Variants in MICAL2 observed in about 807,000 individuals in gnomAD.
The protein encoded by MICAL2 is [F-actin]-monooxygenase MICAL2.
Under a neutral mutation model 127.3 loss-of-function variants are expected in MICAL2, and 77 were observed. That is an observed-to-expected ratio of 0.60 (90% CI 0.50 to 0.73). The LOEUF is 0.73. Ranked by LOEUF, MICAL2 falls within the 30% of genes least tolerant of loss-of-function variation. The probability of loss-of-function intolerance (pLI) is 0.00; values close to 1 mark genes in which losing one functional copy is unlikely to be tolerated. For synonymous variants in MICAL2, 570 were observed against 551.1 expected (o/e 1.03, Z -0.48); for missense variants, 1,351 against 1,434.4 (o/e 0.94, Z 0.94).
In MICAL2 at chr11:12,242,285, G is replaced by A. The variant is rs149494150; in HGVS notation, c.2409G>A (p.Leu803=). 3,596 of 1,614,116 alleles carry A rather than the reference G, an allele frequency of 2.2e-3. 5 individuals are homozygous for A. The highest frequency in any genetic ancestry group is 2.8e-3 in the Non-Finnish European group (3,285 of 1,179,990). The change falls in exon 19 of 28, where the codon CTG becomes CTA. Residue 803 remains leucine, a synonymous_variant. Coordinates refer to ENST00000683283, the MANE Select transcript of MICAL2 (RefSeq NM_001282663.2). ...AAGTGTCTGCTGGCAGTGAGTGCCT[G>A]AGCAGACCTTGGAGAGCCAGAGCCA... ...LKQVSAGSEC[L]SRPWRARAKS...
intron 1 of MICAL2, among the ~76,000 whole-genome samples, chr11:12,280,019 G>T (rs1284961611): frequency 6.6e-6 from 1 of 152,222 alleles, no homozygotes; most frequent in African/African-American, 2.4e-5. Flanking sequence ...ACACATCACT[G>T]CTTGAGCAGT....
At chr11:12,121,238 G>T (rs575672286) in intron 1 of MICAL2, among the ~76,000 whole-genome samples, 17 of 152,258 alleles carry the variant, frequency 1.1e-4, no homozygotes, top group Admixed American at 1.1e-3. Flanking sequence ...CTCTTCACAC[G>T]GATCTTCTCC....
intron 1 of MICAL2, among the ~76,000 whole-genome samples, chr11:12,279,348 C>G (rs192490927): frequency 6.6e-6 from 1 of 152,122 alleles, no homozygotes; most frequent in African/African-American, 2.4e-5. Flanking sequence ...GAGGGGAAAG[C>G]AGGGACTGCA....
In MICAL2 at chr11:12,226,208, A is replaced by G. The variant is rs1207024569; in HGVS notation, c.1726A>G (p.Asn576Asp). The G allele has an allele frequency of 4.3e-6, 7 of 1,614,072 alleles. No individual in the cohort carries two copies. The highest frequency in any genetic ancestry group is 5.9e-6 in the Non-Finnish European group (7 of 1,180,022). ...DSLNEDDAVE[N>D]NQLAFDVAER... ...TTTGAATGAAGATGATGCTGTGGAG[A>G]ACAACCAGCTCGCATTTGATGTGGC... Residue 576 changes from asparagine to aspartate, a missense_variant, in exon 14 of 28, where the codon AAC (asparagine) becomes GAC (aspartate). By Grantham distance (23) the Asn-to-Asp change is conservative. Around this residue, in one of 2 missense-constraint regions of MICAL2, gnomAD observed 752 missense variants for 719.4 expected, o/e 1.05. Coordinates refer to ENST00000683283, the MANE Select transcript of MICAL2 (RefSeq NM_001282663.2).
At chr11:12,139,391 C>A (rs1459630890) in intron 2 of MICAL2, among the ~76,000 whole-genome samples, 4 of 152,070 alleles carry the variant, frequency 2.6e-5, no homozygotes, top group African/African-American at 9.7e-5. Context: ...CTTGGCAGGG[C>A]GTTGAAGAGG....
downstream of MICAL2, among the ~76,000 whole-genome samples, chr11:12,290,476 C>T (rs1398800056): frequency 6.6e-6 from 1 of 151,956 alleles, no homozygotes; most frequent in Non-Finnish European, 1.5e-5. Context: ...CAGAAGATGG[C>T]AGAGAGGGAG....
chr11:12,217,884 T>C (rs1381964769), intron 8 of MICAL2, among the ~76,000 whole-genome samples: 1 of 152,142 alleles, frequency 6.6e-6, no homozygotes, highest in Non-Finnish European at 1.5e-5. Flanking sequence ...GCTGGACACC[T>C]GATTGGAACA....
intron 15 of MICAL2, among the ~76,000 whole-genome samples, chr11:12,231,122 C>G (rs1312384880): frequency 2.0e-5 from 3 of 152,236 alleles, no homozygotes; most frequent in Non-Finnish European, 4.4e-5. Context: ...CATACACCCT[C>G]AGACTCACAA....
chr11:12,254,165 G>A (rs1405811569), intron 22 of MICAL2: 1 of 152,174 alleles, frequency 6.6e-6, no homozygotes, highest in Non-Finnish European at 1.5e-5. Flanking sequence ...AGGAACCAGG[G>A]GGCAGAGTCC....
chr11:12,129,469 A>AC (rs1590004191), intron 1 of MICAL2, among the ~76,000 whole-genome samples: 1 of 151,130 alleles, frequency 6.6e-6, no homozygotes, highest in South Asian at 2.1e-4. Context: ...TGAAACACGC[A>AC]CCCCCCTTCC....
intron 3 of MICAL2, among the ~76,000 whole-genome samples, chr11:12,192,940 C>A (rs1182644209): frequency 1.3e-5 from 2 of 152,180 alleles, no homozygotes; most frequent in Non-Finnish European, 2.9e-5. Context: ...CTGGTAGGAA[C>A]TGCTTTATTC....
intron 3 of MICAL2, among the ~76,000 whole-genome samples, chr11:12,195,266 A>G (rs1859746524): frequency 6.6e-6 from 1 of 151,456 alleles, no homozygotes; most frequent in South Asian, 2.1e-4. Flanking sequence ...CTAAAAACCA[A>G]ACAAAACCAA....
chr11:12,344,824 G>A (rs1284376360), intron 32 of MICAL2, among the ~76,000 whole-genome samples: 1 of 149,020 alleles, frequency 6.7e-6, no homozygotes, highest in Non-Finnish European at 1.5e-5. Context: ...CAAAGAAATT[G>A]TGGACCAGGT....
chr11:12,115,480 AT>A (rs774822429), intron 1 of MICAL2, among the ~76,000 whole-genome samples: 6 of 151,828 alleles, frequency 4.0e-5, no homozygotes, highest in Admixed American at 1.3e-4. Flanking sequence ...CAGGCTTTTA[AT>A]TTTTATTTTT....
At chr11:12,232,579 C>A (rs755856732) in intron 15 of MICAL2, among the ~76,000 whole-genome samples, 17 of 152,048 alleles carry the variant, frequency 1.1e-4, no homozygotes, top group Non-Finnish European at 2.5e-4. Context: ...AAAAATTAGC[C>A]TGCGTGGTGG....
chr11:12,293,740 C>T (rs768217708), downstream of MICAL2: 2 of 1,613,992 alleles, frequency 1.2e-6, no homozygotes. Context: ...AAGATGGCCT[C>T]TCAGACCCTG....
At chr11:12,139,196 G>A (rs547041660) in intron 2 of MICAL2, among the ~76,000 whole-genome samples, 27 of 152,252 alleles carry the variant, frequency 1.8e-4, no homozygotes, top group East Asian at 1.7e-3. Context: ...CCTGTCTGGC[G>A]TTTTGGCACC....
At chr11:12,204,076 C>A (rs1854363314) in intron 3 of MICAL2, among the ~76,000 whole-genome samples, 174 bp from the exon 4 acceptor site, 1 of 152,174 alleles carries the variant, frequency 6.6e-6, no homozygotes, top group Non-Finnish European at 1.5e-5. Flanking sequence ...GTGGTAGGCC[C>A]ACAGGTAAGG....
chr11:12,158,834 G>A (rs1480721626), intron 2 of MICAL2, among the ~76,000 whole-genome samples: 1 of 152,172 alleles, frequency 6.6e-6, no homozygotes, highest in East Asian at 1.9e-4. Context: ...ACTTGCCTAG[G>A]GTCACAAAAC....
Sources: gnomAD v4.1 joint callset for allele counts (sites outside exome capture counted in the v4.1 genomes callset) on GRCh38, gnomAD v4.1.1 for gene constraint, gnomAD v4.1.1 regional missense constraint, MANE v1.5 for transcripts, NCBI Gene and HGNC (gene_info 2026-07-23, HGNC 2026-07-21) for gene names.